The following TENM1 variants were observed in gnomAD, a reference collection of about 807,000 sequenced individuals.
The protein encoded by TENM1 is teneurin-1.
A neutral mutation model predicts 174.8 loss-of-function variants in TENM1; 35 were observed. The ratio of observed to expected loss-of-function variants is 0.20; its 90% confidence interval spans 0.15 to 0.27. The LOEUF (loss-of-function observed/expected upper bound fraction) is 0.27. Among genes scored for constraint, TENM1 ranks in the 10% least tolerant of loss-of-function variants. The pLI, the probability that TENM1 is intolerant of heterozygous loss-of-function variation, is 1.00. For missense variants in TENM1, 1,633 were observed against 2,130.1 expected (o/e 0.77, Z 4.59); for synonymous variants, 781 against 798.7 (o/e 0.98, Z 0.37).
intron 11 of TENM1, among the ~76,000 whole-genome samples, chrX:124,605,768 C>T (rs768857737): frequency 7.2e-5 from 8 of 111,440 alleles, no homozygotes; most frequent in South Asian, 3.8e-4. Context: ...ACCAATGTTG[C>T]GCATCATTAA....
intron 3 of TENM1, among the ~76,000 whole-genome samples, chrX:124,790,893 G>A (rs1252790510): frequency 1.8e-5 from 2 of 110,802 alleles, no homozygotes; most frequent in African/African-American, 6.6e-5. Flanking sequence ...GTCCACAATA[G>A]AAATAAAAAA....
At chrX:124,902,440 G>T in intron 1 of TENM1, among the ~76,000 whole-genome samples, 1 of 112,041 alleles carries the variant, frequency 8.9e-6, no homozygotes, top group South Asian at 3.7e-4. Flanking sequence ...AAATATAAAA[G>T]TATCCATTTA....
At chrX:125,038,715 A>T in the TENM1 span, among the ~76,000 whole-genome samples, 1 of 111,216 alleles carries the variant, frequency 9.0e-6, no homozygotes. Flanking sequence ...TTTTCAATTT[A>T]TTTTTCATCT....
At chrX:124,655,465 CT>C (rs2051418452) in intron 6 of TENM1, among the ~76,000 whole-genome samples, 1 of 111,602 alleles carries the variant, frequency 9.0e-6, no homozygotes, top group African/African-American at 3.3e-5. Context: ...TCAACTTGGC[CT>C]CATTTCACAT....
At chrX:125,114,091 C>A in the TENM1 span, among the ~76,000 whole-genome samples, 3 of 111,897 alleles carry the variant, frequency 2.7e-5, no homozygotes, top group Admixed American at 9.5e-5. Context: ...CAAATTAGAA[C>A]TCAGGATTTA....
chrX:124,453,837 A>AT (rs201529346), intron 22 of TENM1, among the ~76,000 whole-genome samples: 2 of 110,079 alleles, frequency 1.8e-5, no homozygotes, highest in Non-Finnish European at 3.8e-5. Context: ...TGTATATTAC[A>AT]TTTTTTTTTA....
At chrX:124,909,688 G>A (rs2057805696) in intron 1 of TENM1, among the ~76,000 whole-genome samples, 1 of 112,110 alleles carries the variant, frequency 8.9e-6, no homozygotes, top group Non-Finnish European at 1.9e-5. Context: ...CATATTCTGT[G>A]CTTCCAGACA....
intron 3 of TENM1, among the ~76,000 whole-genome samples, chrX:124,751,333 A>G (rs12010859): frequency 7.1e-4 from 79 of 111,866 alleles, no homozygotes; most frequent in African/African-American, 2.4e-3. Context: ...ATTATCTTAA[A>G]CTATGAGTCA....
intron 5 of TENM1, among the ~76,000 whole-genome samples, chrX:124,685,851 G>T (rs1271260038): frequency 8.9e-6 from 1 of 111,823 alleles, no homozygotes; most frequent in Non-Finnish European, 1.9e-5. Context: ...GAGCCACCGT[G>T]CCTGGCCTCA....
chrX:124,744,541 C>T (rs1174106096), intron 3 of TENM1, among the ~76,000 whole-genome samples: 1 of 111,691 alleles, frequency 9.0e-6, no homozygotes, highest in Admixed American at 9.5e-5. Flanking sequence ...AGATAATTGC[C>T]CTGTTTTATC....
chrX:124,958,143 A>C (rs1173188308), intron 1 of TENM1, among the ~76,000 whole-genome samples: 1 of 111,672 alleles, frequency 9.0e-6, no homozygotes, highest in Non-Finnish European at 1.9e-5. Context: ...CTGTTAGCAA[A>C]GAATTGTGAA....
chrX:124,841,509 T>C (rs1041813332), intron 3 of TENM1, among the ~76,000 whole-genome samples: 16 of 110,736 alleles, frequency 1.4e-4, no homozygotes, highest in Admixed American at 8.7e-4. Context: ...CAATTGCTTC[T>C]GTACTATTCC....
At chrX:124,617,590 C>G (rs1390313233) in intron 11 of TENM1, among the ~76,000 whole-genome samples, 2 of 112,080 alleles carry the variant, frequency 1.8e-5, no homozygotes, top group Non-Finnish European at 3.8e-5. Flanking sequence ...TCCTGTCTCT[C>G]AAATCAATGA....
At chrX:124,585,203 A>G (rs1037081847) in intron 11 of TENM1, among the ~76,000 whole-genome samples, 2 of 111,421 alleles carry the variant, frequency 1.8e-5, no homozygotes, top group African/African-American at 3.3e-5. Flanking sequence ...ACATCTACAG[A>G]ACTCTCCACC....
the TENM1 span, among the ~76,000 whole-genome samples, chrX:125,115,885 A>G: frequency 9.9e-5 from 11 of 111,450 alleles, no homozygotes; most frequent in African/African-American, 2.9e-4. Context: ...TTACGAAAAA[A>G]AAAAACTACT....
At chrX:125,189,537 G>A in the TENM1 span, among the ~76,000 whole-genome samples, 2 of 111,991 alleles carry the variant, frequency 1.8e-5, no homozygotes, top group African/African-American at 6.5e-5. Context: ...AGAGCCCTAT[G>A]TCCAAACCTG....
chrX:124,786,085 T>G (rs767196319), intron 3 of TENM1, among the ~76,000 whole-genome samples: 6 of 111,451 alleles, frequency 5.4e-5, no homozygotes, highest in Non-Finnish European at 9.4e-5. Context: ...CTAGAAAATA[T>G]ACATCGTAAG....
chrX:124,559,645 G>C (rs2048769040), intron 14 of TENM1, among the ~76,000 whole-genome samples: 1 of 110,400 alleles, frequency 9.1e-6, no homozygotes, highest in Admixed American at 9.7e-5. Flanking sequence ...TCCAGAATGG[G>C]AGACAGAACA....
At chrX:124,961,719 T>C (rs926709725) in intron 1 of TENM1, among the ~76,000 whole-genome samples, 3 of 111,120 alleles carry the variant, frequency 2.7e-5, no homozygotes, top group Admixed American at 1.9e-4. Context: ...AGTGATGATG[T>C]TGGGGGTGAT....
Sources: gnomAD v4.1 joint callset for allele counts (sites outside exome capture counted in the v4.1 genomes callset) on GRCh38, gnomAD v4.1.1 for gene constraint, MANE v1.5 for transcripts, NCBI Gene and HGNC (gene_info 2026-07-23, HGNC 2026-07-21) for gene names.